The following PPP1R1C variants were observed in gnomAD, a reference collection of about 807,000 sequenced individuals.
PPP1R1C encodes protein phosphatase 1 regulatory subunit 1C.
A neutral mutation model predicts 17.4 loss-of-function variants in PPP1R1C; 15 were observed. That is an observed-to-expected ratio of 0.86 (90% CI 0.58 to 1.33). The LOEUF (loss-of-function observed/expected upper bound fraction) is 1.33, where lower values mean the gene tolerates loss of function less well. Among genes scored for constraint, PPP1R1C ranks in the 40% most tolerant of loss-of-function variants. The pLI is 0.00. For synonymous variants in PPP1R1C, 35 were observed against 43.1 expected (o/e 0.81, Z 0.73); for missense variants, 143 against 130.0 (o/e 1.10, Z -0.48).
At chr2:181,987,727 T>G (rs1249508133) in intron 1 of PPP1R1C, 112 bp from the exon 2 acceptor site, 2 of 977,076 alleles carry the variant, frequency 2.0e-6, no homozygotes, top group Non-Finnish European at 3.2e-6. Flanking sequence ...CTCCAGAAAT[T>G]TGCTTTTGCA....
At chr2:182,056,328 T>A (rs1265648595) in intron 2 of PPP1R1C, among the ~76,000 whole-genome samples, 1 of 152,254 alleles carries the variant, frequency 6.6e-6, no homozygotes, top group East Asian at 1.9e-4. Flanking sequence ...AACCTGCTTA[T>A]TGCATTTTGC....
intron 4 of PPP1R1C, among the ~76,000 whole-genome samples, chr2:182,094,556 C>G (rs1218354717): frequency 3.3e-5 from 5 of 152,154 alleles, no homozygotes; most frequent in Non-Finnish European, 7.3e-5. Context: ...ATGATAGTCT[C>G]TTGTGATGCT....
intron 2 of PPP1R1C, among the ~76,000 whole-genome samples, chr2:182,004,488 A>T (rs550499809): frequency 3.9e-5 from 6 of 152,316 alleles, no homozygotes; most frequent in Non-Finnish European, 8.8e-5. Context: ...GAGTATGCTG[A>T]AATCTTAGGG....
intron 2 of PPP1R1C, among the ~76,000 whole-genome samples, chr2:182,029,224 T>TA (rs1686733128): frequency 1.3e-5 from 2 of 150,608 alleles, no homozygotes; most frequent in Non-Finnish European, 2.9e-5. Context: ...TTAAAGTTAA[T>TA]ATTGTCATGT....
chr2:181,956,841 T>C (rs1448226563), intron 1 of PPP1R1C, among the ~76,000 whole-genome samples: 1 of 152,242 alleles, frequency 6.6e-6, no homozygotes, highest in Non-Finnish European at 1.5e-5. Context: ...TTTTAGATAC[T>C]GTAAGTAAAT....
chr2:182,094,420 A>G (rs6725304), intron 4 of PPP1R1C, among the ~76,000 whole-genome samples: 6,732 of 152,330 alleles, frequency 0.044, 497 homozygotes, highest in African/African-American at 0.15. Flanking sequence ...TTAAACATTC[A>G]GTACAGACTG....
intron 2 of PPP1R1C, among the ~76,000 whole-genome samples, chr2:182,052,906 GA>G (rs35486712): frequency 6.6e-6 from 1 of 150,856 alleles, no homozygotes. Flanking sequence ...AGTGAGCCAA[GA>G]AAAAAAAATC....
intron 4 of PPP1R1C, among the ~76,000 whole-genome samples, chr2:182,076,192 CTTTTCTTTTTTTTTTTTTTTT>C (rs1688297707): frequency 3.9e-5 from 1 of 25,838 alleles, no homozygotes; most frequent in African/African-American, 1.6e-4. Context: ...TTTTTTTTTT[CTTTTCTTTTTTTTTTTTTTTT>C]TTTTTTTTTT....
chr2:182,041,698 TTAAAAA>T (rs1559068785), intron 2 of PPP1R1C, among the ~76,000 whole-genome samples: 2 of 151,650 alleles, frequency 1.3e-5, no homozygotes, highest in Non-Finnish European at 2.9e-5. Context: ...TCAAAAAAGT[TTAAAAA>T]TAAGAAAAGA....
At chr2:181,972,495 C>CA (rs139608076) in intron 1 of PPP1R1C, among the ~76,000 whole-genome samples, 4,574 of 143,322 alleles carry the variant, frequency 0.032, 210 homozygotes, top group African/African-American at 0.1. Flanking sequence ...TTTAATAGGA[C>CA]AAAAAAAAAA....
At chr2:181,958,005 T>G (rs1398319030) in intron 1 of PPP1R1C, among the ~76,000 whole-genome samples, 1 of 151,972 alleles carries the variant, frequency 6.6e-6, no homozygotes, top group Admixed American at 6.6e-5. Context: ...TTTTGAAGGG[T>G]AGTGAGGGAA....
chr2:182,015,099 C>T lies in PPP1R1C; in HGVS notation c.142+27200C>T, dbSNP rs114482983. 6.9e-3 allele frequency among the ~76,000 whole-genome samples: 1,046 copies of T among 152,282 alleles called. 15 individuals are homozygous for T. Among genetic ancestry groups the T allele is most frequent in the African/African-American group, 0.024 (1,011 of 41,562 alleles). ...CAAAGTCCCCTTTAGTCTTCCCTCT[C>T]CTTTCTTCTAGCAGAAGGAGTCCGA... On this transcript the variant is annotated intron_variant, in intron 2 of 4. Transcript: ENST00000682840.
intron 4 of PPP1R1C, among the ~76,000 whole-genome samples, chr2:182,097,821 C>A (rs1319949486): frequency 6.6e-6 from 1 of 152,164 alleles, no homozygotes; most frequent in African/African-American, 2.4e-5. Context: ...CACAGGTGTA[C>A]ATGAGCAATT....
Position 181,961,546 on chromosome 2 carries a change from G to A in PPP1R1C, n.111+6912G>A. On this transcript the variant is annotated intron_variant and non_coding_transcript_variant, in intron 1 of 5. Transcript: ENST00000464264. This position sits in a 1 kb window ranked among gnomAD's most constrained non-coding sequence, Gnocchi z 5.8. ...CAAGCTGGCCTTCAGATTTCTCATG[G>A]AGTCCAGGTCCATCTTTAAGGACTG... 1.2e-6 allele frequency: 1 copy of A among 832,912 alleles called. No individual in the cohort carries two copies. The highest frequency in any genetic ancestry group is 2.0e-5 in the Admixed American group (1 of 51,220). The allele number at this position is 832,912 out of a possible 1,614,324, so 51.6% of individuals were successfully genotyped here.
At chr2:182,094,722 T>A (rs1196146) in intron 4 of PPP1R1C, among the ~76,000 whole-genome samples, 1 of 151,906 alleles carries the variant, frequency 6.6e-6, no homozygotes, top group African/African-American at 2.4e-5. Flanking sequence ...GAATTGCAGA[T>A]GTGTAAAAAA....
At chr2:181,982,932 A>G (rs548785463), upstream of PPP1R1C, among the ~76,000 whole-genome samples, 2 of 152,246 alleles carry the variant, frequency 1.3e-5, no homozygotes, top group South Asian at 4.1e-4. Context: ...TGAACCCATT[A>G]CTTTTAAAGA....
chr2:182,104,573 A>C (rs1386156317), intron 4 of PPP1R1C, among the ~76,000 whole-genome samples: 1 of 152,166 alleles, frequency 6.6e-6, no homozygotes, highest in Non-Finnish European at 1.5e-5. Context: ...TGATCCTTTT[A>C]ATGTGCTATT....
intron 1 of PPP1R1C, among the ~76,000 whole-genome samples, chr2:181,965,764 C>A (rs896753295): frequency 7.2e-5 from 11 of 152,038 alleles, no homozygotes; most frequent in Admixed American, 2.0e-4. Flanking sequence ...TCTTTTTGCT[C>A]GGGATAGCTT....
At chr2:182,025,369 C>A (rs1686571221) in intron 2 of PPP1R1C, among the ~76,000 whole-genome samples, 1 of 139,914 alleles carries the variant, frequency 7.1e-6, no homozygotes, top group Non-Finnish European at 1.5e-5. Context: ...TCCCCCAACC[C>A]CACCACAGTC....
Sources: gnomAD v4.1 joint callset for allele counts (sites outside exome capture counted in the v4.1 genomes callset) on GRCh38, gnomAD v4.1.1 for gene constraint, Gnocchi (gnomAD v3.1) non-coding constraint, MANE v1.5 for transcripts, NCBI Gene and HGNC (gene_info 2026-07-23, HGNC 2026-07-21) for gene names.